CCDC3: variants seen among roughly 807,000 people sequenced by gnomAD.
CCDC3 encodes coiled-coil domain-containing protein 3.
Under a neutral mutation model 21.4 loss-of-function variants are expected in CCDC3, and 24 were observed. That is an observed-to-expected ratio of 1.12 (90% CI 0.81 to 1.58). The LOEUF is 1.58. Among genes scored for constraint, CCDC3 ranks in the 40% most tolerant of loss-of-function variants. CCDC3 has a pLI of 0.00. For missense variants in CCDC3, 425 were observed against 360.9 expected, an observed-to-expected ratio of 1.18 and a Z score of -1.44; for synonymous variants, 186 against 166.0, an observed-to-expected ratio of 1.12 and a Z score of -0.93.
chr10:13,050,456 C>CTTTTT (rs35126304), intron 4 of CCDC3, among the ~76,000 whole-genome samples: 2 of 98,558 alleles, frequency 2.0e-5, no homozygotes, highest in Non-Finnish European at 3.9e-5. Context: ...ATTATTTATT[C>CTTTTT]TTTTTTTTTT....
chr10:12,917,068 C>T (rs895410447), intron 2 of CCDC3, among the ~76,000 whole-genome samples: 3 of 150,858 alleles, frequency 2.0e-5, no homozygotes, highest in African/African-American at 4.9e-5. Flanking sequence ...AGGTCTGAGG[C>T]GAAGTCCAGA....
chr10:13,036,531 C>A (rs1836379108), intron 5 of CCDC3, among the ~76,000 whole-genome samples: 1 of 152,128 alleles, frequency 6.6e-6, no homozygotes, highest in Non-Finnish European at 1.5e-5. Context: ...GTGGTCTAGG[C>A]TGGAGTGCAG....
chr10:13,002,578 C>A (rs1344348446), upstream of CCDC3, among the ~76,000 whole-genome samples: 1 of 151,998 alleles, frequency 6.6e-6, no homozygotes, highest in Non-Finnish European at 1.5e-5. Flanking sequence ...TAGAGACAGG[C>A]TATGTTGCTC....
intron 2 of CCDC3, among the ~76,000 whole-genome samples, chr10:12,973,135 A>G (rs1225881304): frequency 3.3e-5 from 5 of 152,244 alleles, no homozygotes; most frequent in Non-Finnish European, 5.9e-5. Flanking sequence ...GAAAAGACAG[A>G]TAAATAAGCC....
Position 13,017,128 on chromosome 10 carries a change from T to A in CCDC3, c.-1-18616A>T, listed in dbSNP as rs541978338. Among the ~76,000 whole-genome samples, 4 of 152,082 alleles carry A rather than the reference T, an allele frequency of 2.6e-5. No individual in the cohort carries two copies. In the South Asian group the frequency reaches 8.3e-4, roughly 32 times the overall value. ...TGCTGGTGTCCTCGCTCTACGGTCATAAGGATGACACAGCCAAAGCCTTTT... is the reference window on the plus strand; with the variant it reads ...TGCTGGTGTCCTCGCTCTACGGTCAAAAGGATGACACAGCCAAAGCCTTTT... On this transcript the variant is annotated intron_variant, in intron 5 of 6. Coordinates refer to the CCDC3 transcript ENST00000378839.
intron 2 of CCDC3, among the ~76,000 whole-genome samples, chr10:12,964,865 C>T (rs1217199610): frequency 6.6e-6 from 1 of 152,156 alleles, no homozygotes; most frequent in African/African-American, 2.4e-5. Context: ...GAGTTTAGGA[C>T]AGGCCACCCC....
chr10:12,943,730 C>T (rs188730999), intron 2 of CCDC3, among the ~76,000 whole-genome samples: 63 of 152,272 alleles, frequency 4.1e-4, no homozygotes, highest in South Asian at 1.2e-3. Flanking sequence ...AATCAGACAC[C>T]GCCTCCCCAA....
intron 3 of CCDC3, among the ~76,000 whole-genome samples, chr10:13,092,598 C>T (rs186730225): frequency 6.6e-6 from 1 of 152,130 alleles, no homozygotes; most frequent in Admixed American, 6.5e-5. Context: ...TTGGAGTAAC[C>T]CCCGTGTGAC....
chr10:12,924,837 A>C (rs78132484), intron 2 of CCDC3: 8,489 of 152,286 alleles, frequency 0.056, 254 homozygotes, highest in Non-Finnish European at 0.071. Context: ...GCTTGTGAGA[A>C]TCTCCAAATA....
At chr10:13,055,309 C>A (rs1230451237) in intron 4 of CCDC3, among the ~76,000 whole-genome samples, 2 of 151,772 alleles carry the variant, frequency 1.3e-5, no homozygotes, top group Non-Finnish European at 2.9e-5. Context: ...AGCCCAGATT[C>A]AAGGGTGTGG....
intron 5 of CCDC3, among the ~76,000 whole-genome samples, chr10:13,016,917 C>A (rs1170457345): frequency 6.6e-6 from 1 of 152,000 alleles, no homozygotes; most frequent in Non-Finnish European, 1.5e-5. Flanking sequence ...CCCGAATGAC[C>A]CAGTCCATGA....
chr10:13,039,026 A>C (rs1264502195), intron 5 of CCDC3, among the ~76,000 whole-genome samples: 3 of 152,186 alleles, frequency 2.0e-5, no homozygotes, highest in Admixed American at 6.6e-5. Context: ...ATTCTTTGAC[A>C]AAATATCTCG....
chr10:12,984,276 A>G (rs1248834510), intron 2 of CCDC3, among the ~76,000 whole-genome samples: 1 of 152,248 alleles, frequency 6.6e-6, no homozygotes, highest in Non-Finnish European at 1.5e-5. Flanking sequence ...AAAGGACACT[A>G]TGCAAATGCC....
chr10:13,095,699 C>A (rs1209926886), intron 3 of CCDC3, among the ~76,000 whole-genome samples: 5 of 152,160 alleles, frequency 3.3e-5, no homozygotes, highest in African/African-American at 1.2e-4. Context: ...GGTTTGGGGA[C>A]CCCTGCTTTA....
intron 2 of CCDC3, among the ~76,000 whole-genome samples, chr10:12,941,853 C>T (rs539737660): frequency 6.6e-6 from 1 of 152,274 alleles, no homozygotes; most frequent in East Asian, 1.9e-4. Context: ...GGAAGGAGAT[C>T]TCCATTTGTA....
chr10:13,061,358 C>T lies in CCDC3; in HGVS notation c.-269-11417G>A, dbSNP rs146075362. Among the ~76,000 whole-genome samples the T allele has an allele frequency of 5.1e-3, 774 of 152,348 alleles. 7 individuals carry two copies. The highest frequency in any genetic ancestry group is 0.018 in the African/African-American group (744 of 41,588). On this transcript the variant is annotated intron_variant, in intron 4 of 6. Transcript: ENST00000378839. ...AAAACACTGGTTCATCTGCTGAAAA[C>T]ATATCAGAGATGTTGTTTATTACAT...
intron 2 of CCDC3, among the ~76,000 whole-genome samples, chr10:12,960,875 T>C (rs1283700184): frequency 6.6e-6 from 1 of 152,168 alleles, no homozygotes; most frequent in Non-Finnish European, 1.5e-5. Context: ...AAGTGTCCCG[T>C]AGAATAGAAA....
chr10:12,969,888 T>C (rs1463524368), intron 2 of CCDC3, among the ~76,000 whole-genome samples: 3 of 151,828 alleles, frequency 2.0e-5, no homozygotes, highest in African/African-American at 7.3e-5. Context: ...CTCAGTTATA[T>C]GTGGAGTATA....
intron 2 of CCDC3, among the ~76,000 whole-genome samples, chr10:12,903,325 G>A (rs1834122231): frequency 6.6e-6 from 1 of 152,226 alleles, no homozygotes; most frequent in Non-Finnish European, 1.5e-5. Context: ...AATTTCTAGA[G>A]GAGAGCTGTG....
Sources: gnomAD v4.1 joint callset for allele counts (sites outside exome capture counted in the v4.1 genomes callset) on GRCh38, gnomAD v4.1.1 for gene constraint, MANE v1.5 for transcripts, NCBI Gene and HGNC (gene_info 2026-07-23, HGNC 2026-07-21) for gene names.